SGCG: variants seen among roughly 807,000 people sequenced by gnomAD.
SGCG encodes the protein sarcoglycan gamma.
SGCG carries 26 observed loss-of-function variants against 29.3 expected under a neutral mutation model. That is an observed-to-expected ratio of 0.89 (90% confidence interval 0.65 to 1.23). The LOEUF (loss-of-function observed/expected upper bound fraction) is 1.23, where lower values mean the gene tolerates loss of function less well. SGCG is among the 50% of genes most tolerant of loss of function. SGCG has a pLI of 0.00. For missense variants in SGCG, 353 were observed against 356.0 expected, an observed-to-expected ratio of 0.99 and a Z score of 0.07; for synonymous variants, 145 against 129.7, an observed-to-expected ratio of 1.12 and a Z score of -0.80.
chr13:23,233,655 T>C (rs1303728866), intron 2 of SGCG, among the ~76,000 whole-genome samples: 1 of 152,186 alleles, frequency 6.6e-6, no homozygotes, highest in African/African-American at 2.4e-5. Flanking sequence ...ATCTGTACTC[T>C]TAAAAGTGGT....
chr13:23,210,564 G>C (rs959525520), intron 2 of SGCG, among the ~76,000 whole-genome samples: 1 of 152,014 alleles, frequency 6.6e-6, no homozygotes, highest in African/African-American at 2.4e-5. Flanking sequence ...GGTGGCGGGC[G>C]CCTGTAGTCC....
intron 1 of SGCG, among the ~76,000 whole-genome samples, chr13:23,193,682 G>A (rs530018340): frequency 6.6e-6 from 1 of 152,294 alleles, no homozygotes; most frequent in East Asian, 1.9e-4. Flanking sequence ...AGTGCAGTTC[G>A]AAATACCAAG....
At chr13:23,295,798 C>A (rs1881883944) in intron 6 of SGCG, among the ~76,000 whole-genome samples, 1 of 152,206 alleles carries the variant, frequency 6.6e-6, no homozygotes, top group Admixed American at 6.5e-5. Flanking sequence ...TGCTTCATCG[C>A]TCCCACATCA....
intron 1 of SGCG, among the ~76,000 whole-genome samples, chr13:23,198,589 A>G (rs9580567): frequency 0.23 from 34,275 of 151,970 alleles, 4,155 homozygotes; most frequent in East Asian, 0.35. Context: ...GCTCATACCT[A>G]TAATCCCAGC....
intron 1 of SGCG, among the ~76,000 whole-genome samples, chr13:23,192,967 C>T (rs188084024): frequency 6.6e-6 from 1 of 151,972 alleles, no homozygotes; most frequent in Non-Finnish European, 1.5e-5. Flanking sequence ...CTAATGAGGA[C>T]CAGGCAATAA....
intron 3 of SGCG, among the ~76,000 whole-genome samples, chr13:23,248,481 A>G (rs1879811099): frequency 6.6e-6 from 1 of 152,034 alleles, no homozygotes; most frequent in Non-Finnish European, 1.5e-5. Context: ...CGGGCGGATC[A>G]CGAGGTCAGG....
intron 1 of SGCG, among the ~76,000 whole-genome samples, chr13:23,190,173 A>G (rs1219042218): frequency 2.6e-5 from 4 of 152,208 alleles, no homozygotes; most frequent in African/African-American, 9.6e-5. Flanking sequence ...GTACATGAAC[A>G]TTATAGATCA....
At chr13:23,291,687 TATA>T (rs1479440957) in intron 5 of SGCG, among the ~76,000 whole-genome samples, 3 of 152,218 alleles carry the variant, frequency 2.0e-5, no homozygotes, top group Non-Finnish European at 4.4e-5. Flanking sequence ...CATATGTCAA[TATA>T]ATATCACTAA....
intron 4 of SGCG, among the ~76,000 whole-genome samples, chr13:23,275,026 T>C (rs1381611496): frequency 6.6e-6 from 1 of 151,032 alleles, no homozygotes; most frequent in African/African-American, 2.4e-5. Flanking sequence ...TAAATTTTTG[T>C]TAAATAAATG....
At chr13:23,275,142 T>TATATATATATATATATATAG (rs1336045794) in intron 4 of SGCG, among the ~76,000 whole-genome samples, 1 of 148,016 alleles carries the variant, frequency 6.8e-6, no homozygotes, top group Non-Finnish European at 1.5e-5. Flanking sequence ...TATATATATA[T>TATATATATATATATATATAG]AGAAATGAGG....
the SGCG span, among the ~76,000 whole-genome samples, chr13:23,163,864 A>G: frequency 6.6e-6 from 1 of 152,252 alleles, no homozygotes; most frequent in African/African-American, 2.4e-5. Context: ...AAACTAAGTA[A>G]TAAAGTTATA....
intron 5 of SGCG, among the ~76,000 whole-genome samples, chr13:23,285,135 C>T (rs1881446537): frequency 6.6e-6 from 1 of 152,238 alleles, no homozygotes; most frequent in African/African-American, 2.4e-5. Flanking sequence ...AGCTCAAGCG[C>T]TGTGCTGGGA....
chr13:23,295,087 A>G (rs1328870521), intron 5 of SGCG, among the ~76,000 whole-genome samples: 1 of 152,228 alleles, frequency 6.6e-6, no homozygotes, highest in Non-Finnish European at 1.5e-5. Context: ...ATTACTTAAA[A>G]TATATGGGTG....
intron 4 of SGCG, among the ~76,000 whole-genome samples, chr13:23,258,253 G>A (rs1213229003): frequency 1.3e-5 from 2 of 152,058 alleles, no homozygotes; most frequent in African/African-American, 2.4e-5. Flanking sequence ...TCCTTGAAGA[G>A]GTCCTTCACA....
intron 6 of SGCG, among the ~76,000 whole-genome samples, chr13:23,305,184 C>T (rs1294316596): frequency 6.6e-6 from 1 of 152,192 alleles, no homozygotes; most frequent in Non-Finnish European, 1.5e-5. Context: ...GTTGAGTCAT[C>T]TACCCAAGAA....
intron 2 of SGCG, among the ~76,000 whole-genome samples, chr13:23,223,594 C>T (rs1189504992): frequency 6.6e-6 from 1 of 151,988 alleles, no homozygotes; most frequent in Non-Finnish European, 1.5e-5. Flanking sequence ...ATAGGAAAAA[C>T]ATAGAAATTT....
intron 5 of SGCG, among the ~76,000 whole-genome samples, chr13:23,286,054 G>A (rs1423517077): frequency 6.6e-6 from 1 of 152,134 alleles, no homozygotes; most frequent in African/African-American, 2.4e-5. Context: ...GTTCCTGTTT[G>A]GCCATCTTGC....
chr13:23,319,883 T>C (rs1369072757), intron 6 of SGCG, among the ~76,000 whole-genome samples: 1 of 152,208 alleles, frequency 6.6e-6, no homozygotes, highest in Non-Finnish European at 1.5e-5. Flanking sequence ...CTCTGGCTCT[T>C]ATATTTTTGG....
intron 6 of SGCG, among the ~76,000 whole-genome samples, chr13:23,312,822 G>GAA (rs147321237): frequency 6.7e-6 from 1 of 149,968 alleles, no homozygotes; most frequent in East Asian, 2.0e-4. Flanking sequence ...TGTGACATTT[G>GAA]AAAAAAAATG....
Sources: allele counts gnomAD v4.1 joint callset (sites outside exome capture counted in the v4.1 genomes callset), GRCh38; gene constraint gnomAD v4.1.1; transcripts MANE v1.5; gene names NCBI Gene and HGNC (gene_info 2026-07-23, HGNC 2026-07-21).